Variants in TNRC18 observed in about 807,000 individuals in gnomAD.
The protein encoded by TNRC18 is trinucleotide repeat-containing gene 18 protein.
TNRC18 carries 69 observed loss-of-function variants against 226.7 expected under a neutral mutation model. That is an observed-to-expected ratio of 0.30 (90% CI 0.25 to 0.37). The LOEUF is 0.37. Ranked by LOEUF, TNRC18 falls within the 10% of genes least tolerant of loss-of-function variation. The probability of loss-of-function intolerance (pLI) is 1.00; values close to 1 mark genes in which losing one functional copy is unlikely to be tolerated. For missense variants in TNRC18, 4,754 were observed against 4,256.6 expected (o/e 1.12, Z -3.25); for synonymous variants, 2,449 against 1,927.6 (o/e 1.27, Z -7.09).
At chr7:5,359,942 CA>C (rs1293647464) in intron 14 of TNRC18, among the ~76,000 whole-genome samples, 1 of 151,694 alleles carries the variant, frequency 6.6e-6, no homozygotes, top group Non-Finnish European at 1.5e-5. Flanking sequence ...GAGTTCAGAA[CA>C]CAAGTTTACA....
intron 18 of TNRC18, among the ~76,000 whole-genome samples, chr7:5,339,859 C>A (rs1183143256): frequency 6.6e-6 from 1 of 151,820 alleles, no homozygotes; most frequent in Non-Finnish European, 1.5e-5. Flanking sequence ...CATGAGCCAC[C>A]ACACCCGGCT....
chr7:5,310,400 TTGTG>T (rs781703460), intron 27 of TNRC18, among the ~76,000 whole-genome samples: 11 of 152,002 alleles, frequency 7.2e-5, no homozygotes, highest in Non-Finnish European at 1.5e-4. Context: ...TGGCTAATTT[TTGTG>T]TGTGTATTTT....
chr7:5,339,932 C>T (rs555471305), intron 18 of TNRC18, among the ~76,000 whole-genome samples: 108 of 152,196 alleles, frequency 7.1e-4, no homozygotes, highest in Non-Finnish European at 1.3e-3. Flanking sequence ...CTCCGCCAAC[C>T]GGCCTTCCTC....
intron 18 of TNRC18, among the ~76,000 whole-genome samples, chr7:5,343,261 G>A (rs1790854728): frequency 6.6e-6 from 1 of 152,054 alleles, no homozygotes; most frequent in Non-Finnish European, 1.5e-5. Flanking sequence ...GGCTGAGGCA[G>A]GAGAATCACT....
chr7:5,358,501 C>G (rs1270101054), intron 15 of TNRC18, among the ~76,000 whole-genome samples: 1 of 152,142 alleles, frequency 6.6e-6, no homozygotes, highest in East Asian at 1.9e-4. Context: ...TGAGCCTGCC[C>G]CTCTCAGCCA....
intron 2 of TNRC18, among the ~76,000 whole-genome samples, chr7:5,411,442 C>T (rs1336527603): frequency 1.4e-5 from 2 of 144,364 alleles, no homozygotes; most frequent in Non-Finnish European, 3.0e-5. Context: ...CACCTGAACC[C>T]GGGAGGCAGA....
chr7:5,320,800 C>CA, intron 22 of TNRC18, 193 bp from the exon 23 acceptor site: 1 of 627,784 alleles, frequency 1.6e-6, no homozygotes, highest in Non-Finnish European at 2.8e-6. Context: ...CTAGGGGTTG[C>CA]AAGGCACAGT....
chr7:5,373,615 C>T (rs1794361033), intron 10 of TNRC18, among the ~76,000 whole-genome samples: 1 of 152,194 alleles, frequency 6.6e-6, no homozygotes, highest in East Asian at 1.9e-4. Flanking sequence ...TCCCAGCCCC[C>T]AAAGCCACCT....
Position 5,308,295 on chromosome 7 carries a change from G to T in TNRC18, c.8718C>A (p.Ser2906=), listed in dbSNP as rs777224948. The change falls in exon 30 of 30, where the codon TCC becomes TCA. Residue 2906 remains serine (S), a synonymous_variant. Transcript: ENST00000430969. ...KDFMERALYQ[S]SHVDENDVQT... ...GCACGTCATTTTCGTCCACATGCGA[G>T]GACTGGTATAGCGCGCGCTGCGGGC... is the stretch of plus-strand genomic sequence containing the variant. 8 of 1,612,574 alleles carry T rather than the reference G, an allele frequency of 5.0e-6. No homozygotes were observed. The highest frequency in any genetic ancestry group is 6.8e-6 in the Non-Finnish European group (8 of 1,179,306).
At chr7:5,352,792 G>A (rs1791961810) in intron 16 of TNRC18, among the ~76,000 whole-genome samples, 1 of 152,262 alleles carries the variant, frequency 6.6e-6, no homozygotes. Flanking sequence ...CTGCCAGGCA[G>A]GCAACGCTCC....
intron 25 of TNRC18, among the ~76,000 whole-genome samples, 193 bp from the exon 26 acceptor site, chr7:5,315,341 G>A (rs1039695435): frequency 6.6e-6 from 1 of 152,216 alleles, no homozygotes; most frequent in Admixed American, 6.5e-5. Flanking sequence ...GCAGCCAGAG[G>A]CTCCCGAATA....
intron 2 of TNRC18, among the ~76,000 whole-genome samples, chr7:5,396,780 T>G (rs1359565682): frequency 6.6e-6 from 1 of 152,082 alleles, no homozygotes; most frequent in Non-Finnish European, 1.5e-5. Flanking sequence ...TATGTGGCTT[T>G]GCAGGAGATG....
intron 5 of TNRC18, among the ~76,000 whole-genome samples, chr7:5,384,437 A>T (rs543627938): frequency 1.3e-5 from 2 of 152,274 alleles, no homozygotes; most frequent in Non-Finnish European, 2.9e-5. Context: ...ATCAGCACCA[A>T]CAGAGAAGAG....
chr7:5,407,939 A>C (rs1483865573), intron 2 of TNRC18, among the ~76,000 whole-genome samples: 1 of 152,218 alleles, frequency 6.6e-6, no homozygotes, highest in East Asian at 1.9e-4. Flanking sequence ...CTCCCAGGCA[A>C]AGTAGCAAGA....
At chr7:5,344,705 C>CCCT (rs1299140375) in intron 18 of TNRC18, among the ~76,000 whole-genome samples, 1 of 152,132 alleles carries the variant, frequency 6.6e-6, no homozygotes, top group Non-Finnish European at 1.5e-5. Flanking sequence ...GTCAGAAGGA[C>CCCT]CCTCCCCTGC....
At chr7:5,420,849 C>T (rs1362301470) in intron 2 of TNRC18, 2 of 740,460 alleles carry the variant, frequency 2.7e-6, no homozygotes, top group Admixed American at 2.0e-5. Flanking sequence ...GCCAAGCACG[C>T]TACGGAAAAG....
At chr7:5,359,754 T>G (rs992508489) in intron 14 of TNRC18, among the ~76,000 whole-genome samples, 185 bp from the exon 15 acceptor site, 2 of 152,184 alleles carry the variant, frequency 1.3e-5, no homozygotes, top group Admixed American at 1.3e-4. Context: ...TATTTGTGAA[T>G]GAGGCAGAAT....
chr7:5,422,969 G>C (rs976153509), intron 1 of TNRC18: 1 of 152,258 alleles, frequency 6.6e-6, no homozygotes, highest in Admixed American at 6.5e-5. Flanking sequence ...GTTTGGGGAA[G>C]TCGGGGTGAA....
At position 5,394,337 on chromosome 7, in the gene TNRC18, C is replaced by A. The variant is rs867528323; in HGVS notation, c.343+103G>T. 2 of 1,168,722 alleles carry A rather than the reference C, an allele frequency of 1.7e-6. No homozygotes were observed. Among genetic ancestry groups the A allele is most frequent in the African/African-American group, 3.2e-5 (2 of 61,578 alleles). 72.4% of individuals were successfully genotyped at this position (1,168,722 alleles called of 1,614,324 possible). A position where few individuals can be genotyped will look rare whatever the true frequency, so the allele number is the denominator to read the frequency against. Reference sequence around the variant, plus strand: ...GGAAGCCAGGTGACCTGGGACCCACCAGCCCCAGCTCAGCGATGACAACAG... The same window carrying A: ...GGAAGCCAGGTGACCTGGGACCCACAAGCCCCAGCTCAGCGATGACAACAG... On this transcript the variant is annotated intron_variant, in intron 3 of 29. Transcript: ENST00000430969. This position sits in a 1 kb window ranked among gnomAD's most constrained non-coding sequence, Gnocchi z 4.5.
Sources: gnomAD v4.1 joint callset for allele counts (sites outside exome capture counted in the v4.1 genomes callset) on GRCh38, gnomAD v4.1.1 for gene constraint, Gnocchi (gnomAD v3.1) non-coding constraint, MANE v1.5 for transcripts, NCBI Gene and HGNC (gene_info 2026-07-23, HGNC 2026-07-21) for gene names.